The following CSMD3 variants were observed in gnomAD, a reference collection of about 807,000 sequenced individuals.
The protein encoded by CSMD3 is CUB and Sushi multiple domains 3.
CSMD3 carries 177 observed loss-of-function variants against 435.2 expected under a neutral mutation model. That is an observed-to-expected ratio of 0.41 (90% confidence interval 0.36 to 0.46). The LOEUF (loss-of-function observed/expected upper bound fraction) is 0.46, where lower values mean the gene tolerates loss of function less well. CSMD3 is among the 20% of genes least tolerant of loss of function. CSMD3 has a pLI of 0.34. For synonymous variants in CSMD3, 1,656 were observed against 1,520.5 expected (o/e 1.09, Z -2.07); for missense variants, 4,265 against 4,504.6 (o/e 0.95, Z 1.52).
chr8:113,044,181 A>T (rs893892027), intron 5 of CSMD3, among the ~76,000 whole-genome samples: 34 of 152,104 alleles, frequency 2.2e-4, no homozygotes, highest in African/African-American at 8.2e-4. Flanking sequence ...ATTTCAAAGT[A>T]TTATGATACT....
At chr8:113,216,390 C>G (rs2092906202) in intron 3 of CSMD3, among the ~76,000 whole-genome samples, 1 of 151,840 alleles carries the variant, frequency 6.6e-6, no homozygotes, top group Non-Finnish European at 1.5e-5. Flanking sequence ...GAGTTCCATT[C>G]TATACCATTG....
At chr8:112,892,993 T>C (rs2081843666) in intron 10 of CSMD3, among the ~76,000 whole-genome samples, 1 of 151,402 alleles carries the variant, frequency 6.6e-6, no homozygotes, top group South Asian at 2.1e-4. Flanking sequence ...TAAGTCAATA[T>C]ATAGCTATAG....
intron 12 of CSMD3, among the ~76,000 whole-genome samples, chr8:112,803,588 T>C (rs541538536): frequency 2.2e-4 from 33 of 152,120 alleles, no homozygotes; most frequent in Non-Finnish European, 4.1e-4. Context: ...AGATGTAGAG[T>C]GGTCTCACTT....
At chr8:112,318,562 C>A (rs922341442) in intron 47 of CSMD3, among the ~76,000 whole-genome samples, 4 of 151,996 alleles carry the variant, frequency 2.6e-5, no homozygotes, top group African/African-American at 9.7e-5. Flanking sequence ...CACCTCCATT[C>A]CCATCCCTAA....
chr8:112,304,055 T>C (rs1020919800), intron 52 of CSMD3, among the ~76,000 whole-genome samples: 1 of 152,164 alleles, frequency 6.6e-6, no homozygotes, highest in Admixed American at 6.6e-5. Context: ...TATTAGATAC[T>C]GGCCATTTAT....
At chr8:112,418,194 T>G (rs1216225515) in intron 32 of CSMD3, among the ~76,000 whole-genome samples, 3 of 152,154 alleles carry the variant, frequency 2.0e-5, no homozygotes, top group Non-Finnish European at 4.4e-5. Context: ...AAAATTACTG[T>G]TGGTAACACA....
intron 13 of CSMD3, among the ~76,000 whole-genome samples, chr8:112,753,089 C>A (rs1170543709): frequency 6.6e-6 from 1 of 151,894 alleles, no homozygotes; most frequent in Non-Finnish European, 1.5e-5. Flanking sequence ...CCACATCCAG[C>A]TATTTTTTTA....
chr8:112,682,624 T>C lies in CSMD3; in HGVS notation c.2495A>G (p.Asn832Ser), dbSNP rs2131787180. 1 of 1,611,046 alleles carries C rather than the reference T, an allele frequency of 6.2e-7. No individual in the cohort carries two copies. The highest frequency in any genetic ancestry group is 8.5e-7 in the Non-Finnish European group (1 of 1,177,214). The change falls in exon 16 of 71, where the codon AAT becomes AGT. Residue 832 changes from asparagine to serine, a missense_variant. Physicochemically the swap from Asn to Ser is conservative, Grantham distance 46. This residue lies in a region of CSMD3 where 279 missense variants were observed against 369.0 expected (regional missense o/e 0.76). Coordinates refer to ENST00000297405, the MANE Select transcript of CSMD3 (RefSeq NM_198123.2). ...TGGTATTCCAGGATCAGGGCATTCA[T>C]TATGTCCAAATGCTTTAGAATAATA... ...FNITYNTFGH[N>S]ECPDPGIPIN...
intron 6 of CSMD3, among the ~76,000 whole-genome samples, chr8:113,013,978 C>A (rs1016323216): frequency 1.1e-4 from 16 of 152,230 alleles, no homozygotes; most frequent in African/African-American, 3.8e-4. Flanking sequence ...TCTGCAATTT[C>A]TGGTGCAGAA....
chr8:112,472,989 T>A (rs1348073175), intron 31 of CSMD3, among the ~76,000 whole-genome samples: 3 of 152,222 alleles, frequency 2.0e-5, no homozygotes, highest in Non-Finnish European at 4.4e-5. Context: ...ACCTTTCATT[T>A]GTGATGAGTG....
intron 5 of CSMD3, chr8:113,098,387 G>T (rs571249597): frequency 4.5e-6 from 1 of 221,690 alleles, no homozygotes; most frequent in Admixed American, 5.3e-5. Context: ...CCAGATGATG[G>T]TGTTTAATTT....
chr8:113,314,282 C>A (rs1294946509), intron 2 of CSMD3: 3 of 337,278 alleles, frequency 8.9e-6, no homozygotes, highest in Non-Finnish European at 1.7e-5. Context: ...ATGAATGAAA[C>A]CTTGAGATAA....
At position 112,976,135 on chromosome 8, in the gene CSMD3, C is replaced by A. The variant is rs2130935851; in HGVS notation, c.1044G>T (p.Leu348Phe). ...ACTCACCAGTGGAGGTAGTGTGGGT[C>A]AATGTAGAAGAACCTGTGGGACACA... ...FSAPYQGSSTLTHTTSTGELE... is the reference protein window; with the variant it reads ...FSAPYQGSSTFTHTTSTGELE... Residue 348 changes from leucine to phenylalanine, a missense_variant, in exon 7 of 71, where the codon TTG becomes TTT. By Grantham distance (22) the Leu-to-Phe change is conservative. Coordinates refer to ENST00000297405, the MANE Select transcript of CSMD3 (RefSeq NM_198123.2). 6.2e-7 allele frequency: 1 copy of A among 1,613,872 alleles called. No homozygotes were observed. The highest frequency in any genetic ancestry group is 1.1e-5 in the South Asian group (1 of 91,038).
chr8:112,412,325 T>A (rs781763623), intron 32 of CSMD3, among the ~76,000 whole-genome samples: 1 of 149,388 alleles, frequency 6.7e-6, no homozygotes, highest in Non-Finnish European at 1.5e-5. Flanking sequence ...ACCCCAAGTC[T>A]GTGCTGATTA....
rs1449817019 is a variant in CSMD3, at chr8:112,361,963, T to C, written c.6137-9429A>G. Among the ~76,000 whole-genome samples, 3 of 152,010 alleles carry C rather than the reference T, an allele frequency of 2.0e-5. No individual in the cohort carries two copies. The East Asian group carries it at 5.8e-4, about 29-fold the overall frequency. Reference sequence around the variant, plus strand: ...AATTGTGGATACAAGACAACTATTATGTTTATGTTGATACTACCTTTAAGG... The same window carrying C: ...AATTGTGGATACAAGACAACTATTACGTTTATGTTGATACTACCTTTAAGG... On this transcript the variant is annotated intron_variant, in intron 38 of 70. Transcript: ENST00000297405.
intron 19 of CSMD3, among the ~76,000 whole-genome samples, chr8:112,645,657 T>C (rs1268783100): frequency 6.6e-6 from 1 of 152,178 alleles, no homozygotes; most frequent in Non-Finnish European, 1.5e-5. Context: ...AAGTGAGTTG[T>C]AAAAGTTTTT....
chr8:112,990,481 A>G (rs1183058479), intron 6 of CSMD3, among the ~76,000 whole-genome samples: 1 of 151,792 alleles, frequency 6.6e-6, no homozygotes, highest in Non-Finnish European at 1.5e-5. Flanking sequence ...TAATAGAAGC[A>G]CTAATCTGGT....
intron 3 of CSMD3, among the ~76,000 whole-genome samples, chr8:113,210,680 C>T (rs2092823980): frequency 6.6e-6 from 1 of 151,844 alleles, no homozygotes; most frequent in Non-Finnish European, 1.5e-5. Context: ...GAGTTCGAGA[C>T]CAGCCTGGCC....
At chr8:113,417,090 A>G (rs1194358795) in intron 1 of CSMD3, among the ~76,000 whole-genome samples, 1 of 152,066 alleles carries the variant, frequency 6.6e-6, no homozygotes, top group Non-Finnish European at 1.5e-5. Flanking sequence ...TAGTGAAGAA[A>G]CTTTAGACAG....
Sources: gnomAD v4.1 joint callset for allele counts (sites outside exome capture counted in the v4.1 genomes callset) on GRCh38, gnomAD v4.1.1 for gene constraint, gnomAD v4.1.1 regional missense constraint, MANE v1.5 for transcripts, NCBI Gene and HGNC (gene_info 2026-07-23, HGNC 2026-07-21) for gene names.